SGCZ: variants seen among roughly 807,000 people sequenced by gnomAD.
SGCZ encodes sarcoglycan zeta.
Under a neutral mutation model 41.3 loss-of-function variants are expected in SGCZ, and 40 were observed. The ratio of observed to expected loss-of-function variants is 0.97; its 90% CI spans 0.75 to 1.26. The LOEUF is 1.26. Ranked by LOEUF, SGCZ falls within the 50% of genes most tolerant of loss-of-function variation. The pLI, the probability that SGCZ is intolerant of heterozygous loss-of-function variation, is 0.00. For synonymous variants in SGCZ, 206 were observed against 137.5 expected (o/e 1.50, Z -3.49); for missense variants, 552 against 369.8 (o/e 1.49, Z -4.04).
chr8:15,129,138 C>A (rs1807809036), intron 1 of SGCZ, among the ~76,000 whole-genome samples: 1 of 152,164 alleles, frequency 6.6e-6, no homozygotes, highest in South Asian at 2.1e-4. Context: ...GTCCAAATTT[C>A]CTTTTTATTT....
At chr8:14,420,221 T>A (rs1799602354) in intron 2 of SGCZ, among the ~76,000 whole-genome samples, 1 of 152,186 alleles carries the variant, frequency 6.6e-6, no homozygotes, top group African/African-American at 2.4e-5. Context: ...AGCCTTTTCA[T>A]TTTTGTTTGT....
Position 15,237,912 on chromosome 8 carries a change from G to GT in SGCZ, c.-290_-289insA. On this transcript the variant is annotated 5_prime_UTR_variant, in exon 1 of 8. Transcript: ENST00000382080. ...TTGAAACAGGGGCCAAAAGAAAAAAGGAAAAAAAAATCCACTCTATTTAAG... is the reference window on the plus strand; with the variant it reads ...TTGAAACAGGGGCCAAAAGAAAAAAGTGAAAAAAAAATCCACTCTATTTAAG... 2 of 324,366 alleles carry GT rather than the reference G, an allele frequency of 6.2e-6. No individual in the cohort carries two copies. Among genetic ancestry groups the GT allele is most frequent in the African/African-American group, 2.1e-5 (1 of 46,528 alleles). 20.1% of individuals were successfully genotyped at this position (324,366 alleles called of 1,614,324 possible). A position where few individuals can be genotyped will look rare whatever the true frequency, so the allele number is the denominator to read the frequency against.
rs187799409 is a variant in SGCZ, at chr8:14,358,176, C to A, written c.235-33972G>T. Among the ~76,000 whole-genome samples, 247 of 152,210 alleles carry A rather than the reference C, an allele frequency of 1.6e-3. 2 individuals carry two copies. Among genetic ancestry groups the A allele is most frequent in the African/African-American group, 5.2e-3 (218 of 41,536 alleles). On this transcript the variant is annotated intron_variant, in intron 2 of 7. Transcript: ENST00000382080. ...GTAATTGGTTACATGACAGTGCCTGCCGTGGGCTAAACATTCAAGGAGTGG... is the reference window on the plus strand; with the variant it reads ...GTAATTGGTTACATGACAGTGCCTGACGTGGGCTAAACATTCAAGGAGTGG...
At chr8:14,791,060 G>C (rs1039728069) in intron 1 of SGCZ, among the ~76,000 whole-genome samples, 3 of 151,106 alleles carry the variant, frequency 2.0e-5, no homozygotes, top group African/African-American at 7.3e-5. Flanking sequence ...AAGAAAAATA[G>C]GATACAATGC....
intron 2 of SGCZ, among the ~76,000 whole-genome samples, chr8:14,417,830 C>G (rs11776795): frequency 0.57 from 86,059 of 151,536 alleles, 25,282 homozygotes; most frequent in South Asian, 0.75. Flanking sequence ...TCACATTATA[C>G]AACTTAAATA....
intron 4 of SGCZ, among the ~76,000 whole-genome samples, chr8:14,181,973 T>C (rs1242555743): frequency 6.6e-6 from 1 of 152,234 alleles, no homozygotes; most frequent in East Asian, 1.9e-4. Flanking sequence ...TGACTCATTC[T>C]CAAATTGGTT....
intron 5 of SGCZ, among the ~76,000 whole-genome samples, chr8:14,136,507 C>T (rs192117372): frequency 6.6e-6 from 1 of 152,190 alleles, no homozygotes; most frequent in African/African-American, 2.4e-5. Flanking sequence ...TATCCCACAC[C>T]TGGCTCAGTG....
intron 1 of SGCZ, among the ~76,000 whole-genome samples, chr8:15,048,882 C>T (rs1187806110): frequency 6.6e-6 from 1 of 152,016 alleles, no homozygotes; most frequent in South Asian, 2.1e-4. Context: ...TACACCCTGA[C>T]CATCTTCCAA....
chr8:14,478,808 C>T (rs548141920), intron 2 of SGCZ, among the ~76,000 whole-genome samples: 231 of 152,248 alleles, frequency 1.5e-3, no homozygotes, highest in Middle Eastern at 3.4e-3. Flanking sequence ...TTCTCTACTT[C>T]CCATTTTCAC....
intron 3 of SGCZ, among the ~76,000 whole-genome samples, chr8:14,238,097 C>G (rs2117169614): frequency 6.6e-6 from 1 of 152,314 alleles, no homozygotes; most frequent in Non-Finnish European, 1.5e-5. Context: ...TCAAAATTGG[C>G]TCATCTAATC....
chr8:14,124,299 C>T lies in SGCZ; in HGVS notation c.548-16064G>A, dbSNP rs180768547. 1.1e-4 allele frequency among the ~76,000 whole-genome samples: 16 copies of T among 152,240 alleles called. No individual in the cohort carries two copies. The East Asian group carries it at 2.9e-3, about 28-fold the overall frequency. On this transcript the variant is annotated intron_variant, in intron 5 of 7. Coordinates refer to ENST00000382080, the MANE Select transcript of SGCZ (RefSeq NM_139167.4). ...CTCCCTCTTTCTCCTCTCTCTCTCTCCCTTTTTACCTTTACTGTGAAATGA... is the reference window on the plus strand; with the variant it reads ...CTCCCTCTTTCTCCTCTCTCTCTCTTCCTTTTTACCTTTACTGTGAAATGA...
chr8:14,506,769 C>G lies in SGCZ; in HGVS notation c.234+47963G>C, dbSNP rs549536745. ...GTTCTTTTTTTATTTAAACCAACGA[C>G]AGCACTTGACATATGTGCATCTCTC... On this transcript the variant is annotated intron_variant, in intron 2 of 7. Coordinates refer to ENST00000382080, the MANE Select transcript of SGCZ (RefSeq NM_139167.4). Among the ~76,000 whole-genome samples, 52 of 152,246 alleles carry G rather than the reference C, an allele frequency of 3.4e-4. 2 individuals are homozygous for G. In the South Asian group the frequency reaches 0.01, roughly 30 times the overall value.
At chr8:14,818,962 G>GA (rs1441390425) in intron 1 of SGCZ, among the ~76,000 whole-genome samples, 10 of 151,782 alleles carry the variant, frequency 6.6e-5, no homozygotes, top group African/African-American at 7.3e-5. Context: ...AGAAGAGATA[G>GA]AAAAAAGAAC....
chr8:14,947,063 T>C (rs1213975087), intron 1 of SGCZ, among the ~76,000 whole-genome samples: 3 of 151,824 alleles, frequency 2.0e-5, no homozygotes, highest in Non-Finnish European at 4.4e-5. Context: ...ATCCAGCCTC[T>C]CCCCATCTGA....
intron 2 of SGCZ, among the ~76,000 whole-genome samples, chr8:14,453,411 C>A (rs1383068212): frequency 6.6e-6 from 1 of 152,146 alleles, no homozygotes; most frequent in Non-Finnish European, 1.5e-5. Context: ...ATTTGAACAA[C>A]AAGACATTTT....
intron 1 of SGCZ, among the ~76,000 whole-genome samples, chr8:15,130,385 A>G (rs958950065): frequency 6.6e-6 from 1 of 152,246 alleles, no homozygotes; most frequent in Non-Finnish European, 1.5e-5. Context: ...CAGCAAGGGA[A>G]ATGAATGCAC....
At chr8:15,186,154 C>T (rs936605379) in intron 1 of SGCZ, among the ~76,000 whole-genome samples, 3 of 149,942 alleles carry the variant, frequency 2.0e-5, no homozygotes, top group East Asian at 2.0e-4. Flanking sequence ...CCCAGCTACT[C>T]GGGAGGCTGA....
At chr8:15,155,722 T>C (rs1799310421) in intron 1 of SGCZ, among the ~76,000 whole-genome samples, 1 of 152,112 alleles carries the variant, frequency 6.6e-6, no homozygotes, top group South Asian at 2.1e-4. Context: ...GAATATACAG[T>C]ATAAACCTGA....
At chr8:15,087,618 G>A (rs1444593648) in intron 1 of SGCZ, among the ~76,000 whole-genome samples, 1 of 152,088 alleles carries the variant, frequency 6.6e-6, no homozygotes, top group African/African-American at 2.4e-5. Flanking sequence ...GTACTAAAGA[G>A]CTTGTCGAAA....
Sources: allele counts gnomAD v4.1 joint callset (sites outside exome capture counted in the v4.1 genomes callset), GRCh38; gene constraint gnomAD v4.1.1; transcripts MANE v1.5; gene names NCBI Gene and HGNC (gene_info 2026-07-23, HGNC 2026-07-21).